Variants in SULF1 observed in about 807,000 individuals in gnomAD.
The protein encoded by SULF1 is sulfatase 1, also known as extracellular sulfatase Sulf-1.
Under a neutral mutation model 110.5 loss-of-function variants are expected in SULF1, and 46 were observed. The observed-to-expected ratio is 0.42, with a 90% CI of 0.33 to 0.53. The LOEUF (loss-of-function observed/expected upper bound fraction) is 0.53, where lower values mean the gene tolerates loss of function less well. Among genes scored for constraint, SULF1 ranks in the 20% least tolerant of loss-of-function variants. SULF1 has a pLI of 0.12. For synonymous variants in SULF1, 371 were observed against 387.1 expected (o/e 0.96, Z 0.49); for missense variants, 941 against 1,094.2 (o/e 0.86, Z 1.98).
intron 3 of SULF1, among the ~76,000 whole-genome samples, chr8:69,507,840 C>G (rs1668461485): frequency 6.6e-6 from 1 of 152,094 alleles, no homozygotes; most frequent in Admixed American, 6.5e-5. Flanking sequence ...AAATGGATTA[C>G]AGTGGAAATT....
intron 1 of SULF1, among the ~76,000 whole-genome samples, chr8:69,486,847 T>C (rs1201445487): frequency 2.6e-5 from 4 of 152,212 alleles, no homozygotes; most frequent in Admixed American, 1.3e-4. Flanking sequence ...GGCATCACAA[T>C]GAACATGGCT....
intron 3 of SULF1, among the ~76,000 whole-genome samples, chr8:69,558,795 C>T (rs1815285430): frequency 6.6e-6 from 1 of 152,188 alleles, no homozygotes; most frequent in South Asian, 2.1e-4. Flanking sequence ...TTATTGAAGA[C>T]CCTTGCCCCA....
At chr8:69,586,264 C>T (rs1166913031) in intron 6 of SULF1, 93 bp from the exon 7 acceptor site, 3 of 1,338,874 alleles carry the variant, frequency 2.2e-6, no homozygotes, top group Non-Finnish European at 3.0e-6. Context: ...TTTTGTTTTA[C>T]CGTCTCTTTT....
intron 3 of SULF1, among the ~76,000 whole-genome samples, chr8:69,556,170 A>G (rs7009711): frequency 0.48 from 72,338 of 151,996 alleles, 19,080 homozygotes; most frequent in African/African-American, 0.73. Context: ...TGGTATGTGC[A>G]TGTAGAGAAA....
chr8:69,652,827 G>A (rs906983695), intron 22 of SULF1, among the ~76,000 whole-genome samples: 1 of 152,102 alleles, frequency 6.6e-6, no homozygotes, highest in Non-Finnish European at 1.5e-5. Flanking sequence ...TCTGTCCGTC[G>A]CTTTTCTTTT....
intron 10 of SULF1, 38 bp from the exon 11 acceptor site, chr8:69,603,154 G>A (rs1181460844): frequency 6.2e-7 from 1 of 1,610,884 alleles, no homozygotes; most frequent in Admixed American, 1.7e-5. Context: ...CCTTCCCCTG[G>A]CATTGGATCT....
intron 21 of SULF1, among the ~76,000 whole-genome samples, chr8:69,639,498 T>A (rs1446494626): frequency 6.6e-6 from 1 of 152,244 alleles, no homozygotes; most frequent in Admixed American, 6.5e-5. Context: ...TTCTTTTCAG[T>A]GTCCGCCCCA....
At chr8:69,595,792 C>T (rs966060998) in intron 8 of SULF1, among the ~76,000 whole-genome samples, 5 of 152,100 alleles carry the variant, frequency 3.3e-5, no homozygotes, top group Admixed American at 1.3e-4. Flanking sequence ...TTCACTGGAG[C>T]GACACCAAAG....
At chr8:69,572,318 G>A (rs1293085071) in intron 5 of SULF1, among the ~76,000 whole-genome samples, 1 of 152,132 alleles carries the variant, frequency 6.6e-6, no homozygotes, top group Non-Finnish European at 1.5e-5. Flanking sequence ...TGTGGCCCTA[G>A]GCACAGCATG....
intron 6 of SULF1, among the ~76,000 whole-genome samples, chr8:69,579,624 T>C (rs1332753526): frequency 6.6e-6 from 1 of 151,726 alleles, no homozygotes; most frequent in Admixed American, 6.6e-5. Flanking sequence ...ATAATTTAAT[T>C]TATCCTTGAT....
chr8:69,581,538 A>G (rs1806062320), intron 6 of SULF1, among the ~76,000 whole-genome samples: 1 of 152,214 alleles, frequency 6.6e-6, no homozygotes, highest in Non-Finnish European at 1.5e-5. Flanking sequence ...ATGGTATCCA[A>G]AACAAAGAGG....
At chr8:69,472,758 G>A (rs559525185) in intron 1 of SULF1, among the ~76,000 whole-genome samples, 2 of 152,278 alleles carry the variant, frequency 1.3e-5, no homozygotes, top group South Asian at 4.1e-4. Flanking sequence ...ACCTGTAGCC[G>A]CTAAGCTAGT....
At chr8:69,644,855 G>C (rs188460610) in intron 22 of SULF1, among the ~76,000 whole-genome samples, 14 of 152,086 alleles carry the variant, frequency 9.2e-5, no homozygotes, top group Admixed American at 6.5e-4. Flanking sequence ...AACCTGCGCT[G>C]TCCTGATGTA....
intron 14 of SULF1, 31 bp downstream of exon 14, chr8:69,621,282 G>A: frequency 1.3e-6 from 2 of 1,566,416 alleles, no homozygotes; most frequent in South Asian, 2.3e-5. Flanking sequence ...CATCTCAATG[G>A]TGGCCTAGGC....
At chr8:69,550,934 A>G (rs907630364) in intron 3 of SULF1, among the ~76,000 whole-genome samples, 1 of 152,198 alleles carries the variant, frequency 6.6e-6, no homozygotes, top group Admixed American at 6.5e-5. Flanking sequence ...GGGATGAAGG[A>G]TTCAGCTCAG....
chr8:69,535,429 T>G (rs1176165071), intron 3 of SULF1, among the ~76,000 whole-genome samples: 5 of 152,048 alleles, frequency 3.3e-5, no homozygotes, highest in Non-Finnish European at 7.4e-5. Context: ...CTCCAGACAG[T>G]GTGCTCTATG....
chr8:69,571,789 A>C (rs1344050668), intron 5 of SULF1, among the ~76,000 whole-genome samples: 1 of 152,248 alleles, frequency 6.6e-6, no homozygotes, highest in Non-Finnish European at 1.5e-5. Context: ...TGGCACAATC[A>C]CAGTGGGAAT....
At chr8:69,530,650 T>A (rs150187735) in intron 3 of SULF1, among the ~76,000 whole-genome samples, 7 of 152,310 alleles carry the variant, frequency 4.6e-5, no homozygotes, top group African/African-American at 1.7e-4. Flanking sequence ...AGTAACCAGA[T>A]GAACTATTTG....
rs373924342 is a variant in SULF1, at chr8:69,478,985, G to A, written c.-391+12035G>A. Among the ~76,000 whole-genome samples the A allele has an allele frequency of 2.6e-5, 4 of 152,202 alleles. No homozygotes were observed. In the South Asian group the frequency reaches 6.2e-4, roughly 24 times the overall value. ...TCAGCAGCACATTCACAACTACCCC[G>A]GGCATTCTTTTGACAATGTGGAAGG... On this transcript the variant is annotated intron_variant, in intron 1 of 22. Transcript: ENST00000260128.
Sources: gnomAD v4.1 joint callset for allele counts (sites outside exome capture counted in the v4.1 genomes callset) on GRCh38, gnomAD v4.1.1 for gene constraint, MANE v1.5 for transcripts, NCBI Gene and HGNC (gene_info 2026-07-23, HGNC 2026-07-21) for gene names.